The following STK3 variants were observed in gnomAD, a reference collection of about 807,000 sequenced individuals.
STK3 encodes the protein serine/threonine kinase 3.
STK3 carries 41 observed loss-of-function variants against 58.0 expected under a neutral mutation model. The ratio of observed to expected loss-of-function variants is 0.71; its 90% CI spans 0.55 to 0.92. STK3 has a LOEUF of 0.92. Ranked by LOEUF, STK3 falls within the 40% of genes least tolerant of loss-of-function variation. STK3 has a pLI of 0.00. For synonymous variants in STK3, 170 were observed against 191.0 expected (o/e 0.89, Z 0.91); for missense variants, 479 against 602.7 (o/e 0.79, Z 2.15).
intron 6 of STK3, among the ~76,000 whole-genome samples, chr8:98,655,113 C>T (rs1821369608): frequency 6.6e-6 from 1 of 151,978 alleles, no homozygotes; most frequent in Non-Finnish European, 1.5e-5. Flanking sequence ...ACCAAAACAG[C>T]ATGGTACTGG....
intron 1 of STK3, among the ~76,000 whole-genome samples, chr8:98,439,516 G>A (rs978624320): frequency 1.3e-5 from 2 of 152,060 alleles, no homozygotes; most frequent in African/African-American, 4.8e-5. Context: ...ATTCCCCTCA[G>A]GTAATGACTA....
chr8:98,583,545 T>C (rs951424027), intron 7 of STK3, among the ~76,000 whole-genome samples: 2 of 152,164 alleles, frequency 1.3e-5, no homozygotes, highest in African/African-American at 4.8e-5. Flanking sequence ...CCAGGAAGCA[T>C]CAGCACTGTC....
intron 6 of STK3, among the ~76,000 whole-genome samples, chr8:98,654,459 A>G (rs1461385564): frequency 2.0e-5 from 3 of 152,182 alleles, no homozygotes; most frequent in African/African-American, 7.2e-5. Flanking sequence ...CTCCTATTCA[A>G]CATAGTGTTG....
chr8:98,616,477 T>C (rs1467115160), intron 6 of STK3, among the ~76,000 whole-genome samples: 2 of 146,802 alleles, frequency 1.4e-5, no homozygotes, highest in East Asian at 2.0e-4. Flanking sequence ...ACTTTAAATG[T>C]AAATGGACTA....
At chr8:98,457,035 G>A (rs1422086595) in intron 10 of STK3, among the ~76,000 whole-genome samples, 1 of 152,206 alleles carries the variant, frequency 6.6e-6, no homozygotes, top group African/African-American at 2.4e-5. Flanking sequence ...ACAGTGTTAT[G>A]GAGAAGAGTA....
downstream of STK3, among the ~76,000 whole-genome samples, chr8:98,368,069 C>T (rs1222338952): frequency 6.6e-6 from 1 of 151,248 alleles, no homozygotes; most frequent in Non-Finnish European, 1.5e-5. Context: ...TCAGAATAAA[C>T]AGAGAAAAAC....
At chr8:98,730,084 G>A (rs1284885486) in intron 4 of STK3, among the ~76,000 whole-genome samples, 1 of 152,100 alleles carries the variant, frequency 6.6e-6, no homozygotes, top group Non-Finnish European at 1.5e-5. Flanking sequence ...TATTTCTGTT[G>A]TTATTTTATC....
chr8:98,437,272 A>G (rs981146805), intron 1 of STK3: 2 of 152,380 alleles, frequency 1.3e-5, no homozygotes, highest in Non-Finnish European at 2.9e-5. Flanking sequence ...CACAGGCAGA[A>G]GAGACATTAG....
At position 98,501,368 on chromosome 8, in the gene STK3, G is replaced by C. The variant is rs566357517; in HGVS notation, c.1317+25374C>G. On this transcript the variant is annotated intron_variant, in intron 10 of 10. Coordinates refer to ENST00000419617, the MANE Select transcript of STK3 (RefSeq NM_006281.4). ...ACTCTGTAGATTGCCTGTTCACTCT[G>C]ATAGTATTTTCTTTTGCTGTGCAGA... Among the ~76,000 whole-genome samples the C allele has an allele frequency of 2.9e-4, 44 of 152,102 alleles. 1 individual carries two copies. The South Asian group carries it at 9.0e-3, about 31-fold the overall frequency.
intron 2 of STK3, among the ~76,000 whole-genome samples, chr8:98,374,445 C>A (rs1382373425): frequency 3.3e-5 from 5 of 152,218 alleles, no homozygotes; most frequent in African/African-American, 1.2e-4. Context: ...AAACATTCAC[C>A]AGATAAGCCA....
At chr8:98,911,177 T>C (rs1457915543) in intron 1 of STK3, among the ~76,000 whole-genome samples, 1 of 152,212 alleles carries the variant, frequency 6.6e-6, no homozygotes, top group Non-Finnish European at 1.5e-5. Context: ...CTTTTCACAA[T>C]GAGCGGATTG....
intron 10 of STK3, among the ~76,000 whole-genome samples, chr8:98,502,610 T>G (rs1417879983): frequency 1.3e-5 from 2 of 152,254 alleles, no homozygotes; most frequent in Non-Finnish European, 2.9e-5. Context: ...GTTTTTAGCA[T>G]GAAGCGCTGT....
intron 1 of STK3, among the ~76,000 whole-genome samples, chr8:98,923,857 G>GTGTT (rs1839675312): frequency 2.8e-5 from 2 of 71,052 alleles, no homozygotes; most frequent in African/African-American, 5.8e-5. Context: ...GTGTGTGTGC[G>GTGTT]CGCGCGCGCG....
intron 3 of STK3, among the ~76,000 whole-genome samples, chr8:98,753,605 GT>G (rs1380589039): frequency 6.6e-6 from 1 of 151,768 alleles, no homozygotes; most frequent in Non-Finnish European, 1.5e-5. Flanking sequence ...ACCTGCACAT[GT>G]ACCTCTGAAC....
chr8:98,872,123 C>T (rs1158321016), intron 3 of STK3, among the ~76,000 whole-genome samples: 1 of 152,124 alleles, frequency 6.6e-6, no homozygotes, highest in Non-Finnish European at 1.5e-5. Flanking sequence ...GTCTTTGGTT[C>T]TGTTTATATG....
At chr8:98,425,328 G>GAC (rs5893464) in intron 3 of STK3, among the ~76,000 whole-genome samples, 1,990 of 150,912 alleles carry the variant, frequency 0.013, 35 homozygotes, top group East Asian at 0.093. Context: ...CTCCCTCTCA[G>GAC]ACACACACAC....
chr8:98,650,502 G>A (rs1294733156), intron 6 of STK3, among the ~76,000 whole-genome samples: 5 of 152,228 alleles, frequency 3.3e-5, no homozygotes, highest in East Asian at 1.9e-4. Flanking sequence ...GACAGGGGGT[G>A]CAGCGCACCA....
At chr8:98,447,933 A>G (rs1586586116) in intron 1 of STK3, among the ~76,000 whole-genome samples, 2 of 141,306 alleles carry the variant, frequency 1.4e-5, no homozygotes, top group South Asian at 4.4e-4. Flanking sequence ...CACATTGTGC[A>G]CATGTACCCT....
At chr8:98,839,557 A>G (rs1430055489) in intron 3 of STK3, among the ~76,000 whole-genome samples, 1 of 152,240 alleles carries the variant, frequency 6.6e-6, no homozygotes, top group African/African-American at 2.4e-5. Flanking sequence ...TGGAATATCC[A>G]TCCCCATTAC....
Sources: allele counts gnomAD v4.1 joint callset (sites outside exome capture counted in the v4.1 genomes callset), GRCh38; gene constraint gnomAD v4.1.1; transcripts MANE v1.5; gene names NCBI Gene and HGNC (gene_info 2026-07-23, HGNC 2026-07-21).